SUGCT: variants seen among roughly 807,000 people sequenced by gnomAD.
The protein encoded by SUGCT is succinyl-CoA:glutarate CoA-transferase.
In SUGCT, 41 loss-of-function variants were observed where a neutral mutation model predicts 55.0. The observed-to-expected ratio is 0.74, with a 90% confidence interval of 0.58 to 0.97. The LOEUF (loss-of-function observed/expected upper bound fraction) is 0.97, where lower values mean the gene tolerates loss of function less well. Among genes scored for constraint, SUGCT ranks in the 50% least tolerant of loss-of-function variants. The probability of loss-of-function intolerance (pLI) is 0.00; values close to 1 mark genes in which losing one functional copy is unlikely to be tolerated. For missense variants in SUGCT, 568 were observed against 547.8 expected, an observed-to-expected ratio of 1.04 and a Z score of -0.37; for synonymous variants, 187 against 200.4, an observed-to-expected ratio of 0.93 and a Z score of 0.56.
At chr7:40,444,125 G>A (rs1309768964) in intron 9 of SUGCT, among the ~76,000 whole-genome samples, 1 of 152,170 alleles carries the variant, frequency 6.6e-6, no homozygotes, top group African/African-American at 2.4e-5. Flanking sequence ...GGTTACTGTA[G>A]CCTTGTAGTG....
intron 8 of SUGCT, among the ~76,000 whole-genome samples, chr7:40,313,627 GTTTGTTTTTGTT>G (rs1014091444): frequency 3.7e-5 from 5 of 135,044 alleles, no homozygotes; most frequent in South Asian, 2.2e-4. Context: ...TTTTTTGTTT[GTTTGTTTTTGTT>G]TTTGTTTTTG....
chr7:41,017,852 G>A, the SUGCT span, among the ~76,000 whole-genome samples: 4 of 151,868 alleles, frequency 2.6e-5, no homozygotes, highest in African/African-American at 7.3e-5. Flanking sequence ...GAAAGAGATG[G>A]GAGTAGGATG....
chr7:40,470,431 C>T (rs1232177093), intron 11 of SUGCT, among the ~76,000 whole-genome samples: 1 of 152,112 alleles, frequency 6.6e-6, no homozygotes, highest in Non-Finnish European at 1.5e-5. Flanking sequence ...CCTGCTGAGT[C>T]CCGATTTCCA....
At chr7:40,328,917 C>A (rs1006846980) in intron 9 of SUGCT, among the ~76,000 whole-genome samples, 2 of 152,204 alleles carry the variant, frequency 1.3e-5, no homozygotes, top group Admixed American at 6.5e-5. Flanking sequence ...TTGGGTGAGG[C>A]CTGGCATAGC....
At chr7:40,493,704 T>C (rs961669054) in intron 11 of SUGCT, among the ~76,000 whole-genome samples, 6 of 152,198 alleles carry the variant, frequency 3.9e-5, no homozygotes, top group African/African-American at 1.4e-4. Flanking sequence ...TCTGAGGACA[T>C]TCTTTTTGTC....
At chr7:40,903,127 G>T in the SUGCT span, among the ~76,000 whole-genome samples, 1 of 151,734 alleles carries the variant, frequency 6.6e-6, no homozygotes, top group Non-Finnish European at 1.5e-5. Context: ...CGCCTCCCGG[G>T]TTCAAGTGAT....
intron 12 of SUGCT, among the ~76,000 whole-genome samples, chr7:40,735,178 G>A (rs1236848594): frequency 6.6e-6 from 1 of 152,150 alleles, no homozygotes; most frequent in Non-Finnish European, 1.5e-5. Flanking sequence ...TTGTAGTTTG[G>A]TTCTGGGATA....
intron 13 of SUGCT, among the ~76,000 whole-genome samples, chr7:40,842,023 G>A (rs954219560): frequency 6.6e-6 from 1 of 152,102 alleles, no homozygotes; most frequent in African/African-American, 2.4e-5. Flanking sequence ...AATATACTGG[G>A]AAAGAATAAC....
chr7:40,858,373 A>G (rs1338938303), intron 13 of SUGCT, among the ~76,000 whole-genome samples: 1 of 141,780 alleles, frequency 7.1e-6, no homozygotes, highest in African/African-American at 2.6e-5. Flanking sequence ...ATTGCACTCC[A>G]GCCTGGGCAA....
chr7:40,666,790 G>A (rs1053248142), intron 12 of SUGCT, among the ~76,000 whole-genome samples: 13 of 152,132 alleles, frequency 8.5e-5, no homozygotes, highest in Admixed American at 2.6e-4. Context: ...ACATAAAGAA[G>A]AAGTGGACAC....
chr7:40,804,977 C>T (rs992630898), intron 13 of SUGCT, among the ~76,000 whole-genome samples: 17 of 152,234 alleles, frequency 1.1e-4, no homozygotes, highest in African/African-American at 3.6e-4. Context: ...CAGGATCCTG[C>T]GTTTTCCCTT....
intron 12 of SUGCT, among the ~76,000 whole-genome samples, chr7:40,625,939 C>T (rs554767856): frequency 6.6e-6 from 1 of 152,240 alleles, no homozygotes; most frequent in South Asian, 2.1e-4. Context: ...TGAAGCACTT[C>T]ACATTCTTTA....
chr7:40,711,109 A>C (rs1344819207), intron 12 of SUGCT, among the ~76,000 whole-genome samples: 1 of 152,250 alleles, frequency 6.6e-6, no homozygotes, highest in East Asian at 1.9e-4. Context: ...GAACAGCAGT[A>C]AGTGAAGGCC....
the SUGCT span, among the ~76,000 whole-genome samples, chr7:40,896,487 G>A: frequency 6.6e-6 from 1 of 152,164 alleles, no homozygotes; most frequent in East Asian, 1.9e-4. Context: ...GAACCAATGG[G>A]AGATAATTGA....
At chr7:40,792,176 C>G (rs1322781209) in intron 13 of SUGCT, among the ~76,000 whole-genome samples, 1 of 152,112 alleles carries the variant, frequency 6.6e-6, no homozygotes, top group Non-Finnish European at 1.5e-5. Flanking sequence ...ATATATCTGT[C>G]TTAAGACATT....
chr7:40,804,078 C>T (rs866578513), intron 13 of SUGCT, among the ~76,000 whole-genome samples: 9 of 152,184 alleles, frequency 5.9e-5, no homozygotes, highest in South Asian at 2.1e-4. Context: ...TATTCTTTGT[C>T]GCAAAGGGGC....
chr7:40,497,011 G>A (rs1390689370), intron 12 of SUGCT, among the ~76,000 whole-genome samples: 1 of 152,096 alleles, frequency 6.6e-6, no homozygotes, highest in Non-Finnish European at 1.5e-5. Flanking sequence ...TTATAACATT[G>A]TTCAAGTGAT....
intron 1 of SUGCT, among the ~76,000 whole-genome samples, chr7:40,148,262 T>C (rs536314499): frequency 1.3e-5 from 2 of 152,254 alleles, no homozygotes; most frequent in South Asian, 4.1e-4. Flanking sequence ...CATACTGACA[T>C]ATTGATTCTT....
the SUGCT span, among the ~76,000 whole-genome samples, chr7:41,002,738 T>C: frequency 6.6e-6 from 1 of 152,246 alleles, no homozygotes; most frequent in Non-Finnish European, 1.5e-5. Context: ...AGACACTTTC[T>C]GAAGCACTTT....
Sources: gnomAD v4.1 joint callset for allele counts (sites outside exome capture counted in the v4.1 genomes callset) on GRCh38, gnomAD v4.1.1 for gene constraint, MANE v1.5 for transcripts, NCBI Gene and HGNC (gene_info 2026-07-23, HGNC 2026-07-21) for gene names.